The following DAB1 variants were observed in gnomAD, a reference collection of about 807,000 sequenced individuals.
The protein encoded by DAB1 is DAB adaptor protein 1.
A neutral mutation model predicts 64.6 loss-of-function variants in DAB1; 15 were observed. The observed-to-expected ratio is 0.23, with a 90% CI of 0.16 to 0.36. DAB1 has a LOEUF of 0.36. DAB1 is among the 10% of genes least tolerant of loss of function. The probability of loss-of-function intolerance (pLI) is 1.00; values close to 1 mark genes in which losing one functional copy is unlikely to be tolerated. For synonymous variants in DAB1, 235 were observed against 251.9 expected (o/e 0.93, Z 0.64); for missense variants, 596 against 706.7 (o/e 0.84, Z 1.78).
At chr1:57,501,096 T>C (rs1311315133) in intron 7 of DAB1, among the ~76,000 whole-genome samples, 1 of 152,240 alleles carries the variant, frequency 6.6e-6, no homozygotes, top group African/African-American at 2.4e-5. Flanking sequence ...CTGTTTCTAA[T>C]ACCTTGATTT....
chr1:58,374,413 C>A lies in DAB1; in HGVS notation n.258-31010G>T, dbSNP rs556711527. Among the ~76,000 whole-genome samples, 281 of 146,916 alleles carry A rather than the reference C, an allele frequency of 1.9e-3. 1 individual carries two copies. The highest frequency in any genetic ancestry group is 6.9e-3 in the African/African-American group (273 of 39,826). ...TTCTACATATGGCTAGCCAGTTTTCCCAGCACCATTTATTAAATAGGGAAT... is the reference window on the plus strand; with the variant it reads ...TTCTACATATGGCTAGCCAGTTTTCACAGCACCATTTATTAAATAGGGAAT... On this transcript the variant is annotated intron_variant and non_coding_transcript_variant, in intron 3 of 20. Transcript: ENST00000485760.
At chr1:57,921,139 T>C (rs1269101492) in intron 5 of DAB1, among the ~76,000 whole-genome samples, 1 of 152,192 alleles carries the variant, frequency 6.6e-6, no homozygotes, top group Non-Finnish European at 1.5e-5. Flanking sequence ...TATTTCTATA[T>C]GTACTGGTAT....
At chr1:57,600,329 A>G (rs940479324) in intron 7 of DAB1, among the ~76,000 whole-genome samples, 1 of 152,246 alleles carries the variant, frequency 6.6e-6, no homozygotes, top group South Asian at 2.1e-4. Flanking sequence ...ATAACAGTCT[A>G]GAGAAAAATA....
At chr1:58,341,763 C>T (rs1643937853) in intron 4 of DAB1, among the ~76,000 whole-genome samples, 1 of 152,156 alleles carries the variant, frequency 6.6e-6, no homozygotes, top group African/African-American at 2.4e-5. Context: ...TTAGATGACC[C>T]TTACTTTCTG....
chr1:58,300,544 A>AAAAGAAAGAAAG (rs71043285), intron 4 of DAB1, among the ~76,000 whole-genome samples: 14 of 101,182 alleles, frequency 1.4e-4, no homozygotes, highest in African/African-American at 2.1e-4. Flanking sequence ...TGAAACTCTG[A>AAAAGAAAGAAAG]AAAGAAAGAA....
At chr1:57,752,423 G>A (rs967077454) in intron 6 of DAB1, among the ~76,000 whole-genome samples, 3 of 152,136 alleles carry the variant, frequency 2.0e-5, no homozygotes, top group African/African-American at 4.8e-5. Flanking sequence ...TGGGGACATC[G>A]TTGCTTTTAT....
At chr1:57,984,247 AGAAAGAAAG>A (rs1646150431) in intron 5 of DAB1, among the ~76,000 whole-genome samples, 1 of 147,968 alleles carries the variant, frequency 6.8e-6, no homozygotes, top group Non-Finnish European at 1.5e-5. Flanking sequence ...AAAGAAAGAA[AGAAAGAAAG>A]AAAGAAAAAA....
intron 3 of DAB1, among the ~76,000 whole-genome samples, chr1:58,373,138 T>C (rs1300200778): frequency 6.6e-6 from 1 of 152,038 alleles, no homozygotes; most frequent in African/African-American, 2.4e-5. Context: ...TACTAATACT[T>C]TTCTAACCAA....
intron 6 of DAB1, among the ~76,000 whole-genome samples, chr1:57,651,995 A>T (rs74077751): frequency 6.6e-6 from 1 of 152,162 alleles, no homozygotes; most frequent in Non-Finnish European, 1.5e-5. Flanking sequence ...TTTAATTTAT[A>T]GTTTAAATGA....
intron 5 of DAB1, among the ~76,000 whole-genome samples, chr1:58,033,386 C>T (rs1235558760): frequency 6.6e-6 from 1 of 152,116 alleles, no homozygotes; most frequent in Admixed American, 6.5e-5. Flanking sequence ...AGATAAGCAC[C>T]ATACAACTTC....
chr1:57,872,452 C>T (rs1187501073), intron 1 of DAB1, among the ~76,000 whole-genome samples: 1 of 152,188 alleles, frequency 6.6e-6, no homozygotes, highest in Non-Finnish European at 1.5e-5. Flanking sequence ...TCTTGGAATT[C>T]CCAGCCTTTA....
Position 57,141,674 on chromosome 1 carries a change from C to T in DAB1, c.207+3616G>A, listed in dbSNP as rs903471121. ...TGACTGACATACTTAAGGTTCTGCA[C>T]TTAGCTCTCCAGGCACTGCCTTTGG... On this transcript the variant is annotated intron_variant, in intron 3 of 14. Transcript: ENST00000371236. 1.7e-4 allele frequency among the ~76,000 whole-genome samples: 26 copies of T among 152,144 alleles called. 1 individual carries two copies. The highest frequency in any genetic ancestry group is 6.6e-5 in the Admixed American group (1 of 15,266).
intron 3 of DAB1, among the ~76,000 whole-genome samples, chr1:58,471,290 A>C (rs1645355183): frequency 6.6e-6 from 1 of 152,186 alleles, no homozygotes; most frequent in East Asian, 1.9e-4. Flanking sequence ...ACAAACAAGC[A>C]AAACAGACTT....
At chr1:58,090,499 A>G (rs969520522) in intron 5 of DAB1, among the ~76,000 whole-genome samples, 5 of 152,140 alleles carry the variant, frequency 3.3e-5, no homozygotes, top group African/African-American at 1.2e-4. Flanking sequence ...CCAATTGGCT[A>G]CCATCTGCTG....
At chr1:58,316,614 C>G (rs1423541332) in intron 4 of DAB1, among the ~76,000 whole-genome samples, 1 of 152,032 alleles carries the variant, frequency 6.6e-6, no homozygotes, top group Admixed American at 6.6e-5. Context: ...GGATGCTGAT[C>G]TGAAGGAGGG....
At position 57,010,705 on chromosome 1, in the gene DAB1, G is replaced by A; in HGVS notation, c.1658C>T (p.Ala553Val). The A allele has an allele frequency of 6.3e-7, 1 of 1,578,766 alleles. No homozygotes were observed. Among genetic ancestry groups the A allele is most frequent in the South Asian group, 1.2e-5 (1 of 86,104 alleles). ...EPSGDNISPQAGS is the reference protein window; with the variant it reads ...EPSGDNISPQVGS ...CCAGACCTGCGCTATCTAGCTACCGGCCTGTGGACTTATATTATCACCACT... is the reference window on the plus strand; with the variant it reads ...CCAGACCTGCGCTATCTAGCTACCGACCTGTGGACTTATATTATCACCACT... The change falls in exon 14 of 15, where the codon GCC (alanine) becomes GTC (valine). Residue 553 changes from alanine (A) to valine (V), a missense_variant. Transcript: ENST00000371236.
intron 9 of DAB1, among the ~76,000 whole-genome samples, chr1:57,028,983 G>T (rs920175798): frequency 1.2e-4 from 19 of 152,236 alleles, no homozygotes; most frequent in African/African-American, 4.6e-4. Context: ...AAGTAGCAAG[G>T]AGTCTAATGT....
chr1:57,854,476 C>G (rs1184663906), intron 1 of DAB1, among the ~76,000 whole-genome samples: 1 of 152,112 alleles, frequency 6.6e-6, no homozygotes, highest in African/African-American at 2.4e-5. Flanking sequence ...TTTGAATGAT[C>G]CTCCATTCTA....
intron 2 of DAB1, among the ~76,000 whole-genome samples, chr1:57,253,693 G>T (rs1669542391): frequency 6.6e-6 from 1 of 152,084 alleles, no homozygotes. Context: ...TTCTTGGTAT[G>T]GTTAGTGTAT....
Sources: allele counts gnomAD v4.1 joint callset (sites outside exome capture counted in the v4.1 genomes callset), GRCh38; gene constraint gnomAD v4.1.1; transcripts MANE v1.5; gene names NCBI Gene and HGNC (gene_info 2026-07-23, HGNC 2026-07-21).